Variants in DOCK2 observed in about 807,000 individuals in gnomAD.
DOCK2 encodes the protein dedicator of cytokinesis 2.
Under a neutral mutation model 248.9 loss-of-function variants are expected in DOCK2, and 87 were observed. The observed-to-expected ratio is 0.35, with a 90% CI of 0.29 to 0.42. The LOEUF (loss-of-function observed/expected upper bound fraction) is 0.42, where lower values mean the gene tolerates loss of function less well. Ranked by LOEUF, DOCK2 falls within the 10% of genes least tolerant of loss-of-function variation. The probability of loss-of-function intolerance (pLI) is 1.00; values close to 1 mark genes in which losing one functional copy is unlikely to be tolerated. For synonymous variants in DOCK2, 805 were observed against 821.6 expected (o/e 0.98, Z 0.35); for missense variants, 1,747 against 2,300.2 (o/e 0.76, Z 4.92).
intron 34 of DOCK2, among the ~76,000 whole-genome samples, chr5:170,028,850 T>C (rs77072885): frequency 0.035 from 5,282 of 152,236 alleles, 309 homozygotes; most frequent in African/African-American, 0.12. Context: ...TTGCCTATAA[T>C]GTTTTCAAGG....
intron 29 of DOCK2, among the ~76,000 whole-genome samples, chr5:169,991,742 G>A (rs1778215163): frequency 6.6e-6 from 1 of 152,256 alleles, no homozygotes; most frequent in Non-Finnish European, 1.5e-5. Context: ...CAAGGAGCCA[G>A]TGTGTCCTTC....
At chr5:169,972,442 A>G (rs1777537421) in intron 27 of DOCK2, among the ~76,000 whole-genome samples, 1 of 151,854 alleles carries the variant, frequency 6.6e-6, no homozygotes, top group African/African-American at 2.4e-5. Flanking sequence ...TAACCAATAG[A>G]TGTCAGTAGC....
In DOCK2 at chr5:170,082,837, C is replaced by G. The variant is rs896273989; in HGVS notation, c.5472C>G (p.Asp1824Glu). 2 of 1,614,228 alleles carry G rather than the reference C, an allele frequency of 1.2e-6. No individual in the cohort carries two copies. Among genetic ancestry groups the G allele is most frequent in the Non-Finnish European group, 1.7e-6 (2 of 1,180,048 alleles). Residue 1824 changes from aspartate (D) to glutamate (E), a missense_variant, in exon 52 of 52, where the codon GAC (aspartate) becomes GAG (glutamate). Transcript: ENST00000520908. ...KSAEEGKQIPDSLSTDL is the reference protein window; with the variant it reads ...KSAEEGKQIPESLSTDL The stretch of plus-strand genomic sequence containing the variant: ...CTGAAGAAGGCAAACAGATCCCAGA[C>G]TCGCTGTCCACGGACCTGTGAGCTG...
At chr5:169,754,920 A>ATTATGTATTTATTTATTTAT (rs1554097253) in intron 23 of DOCK2, among the ~76,000 whole-genome samples, 1 of 141,320 alleles carries the variant, frequency 7.1e-6, no homozygotes, top group Admixed American at 7.2e-5. Context: ...CCTATTTTTT[A>ATTATGTATTTATTTATTTAT]TTATTTATTT....
At chr5:169,662,897 T>C (rs1758524620) in intron 2 of DOCK2, among the ~76,000 whole-genome samples, 1 of 152,118 alleles carries the variant, frequency 6.6e-6, no homozygotes, top group Non-Finnish European at 1.5e-5. Flanking sequence ...CATTGCAAAA[T>C]CAGTCATGCC....
At chr5:169,861,003 G>A (rs868777624) in intron 27 of DOCK2, among the ~76,000 whole-genome samples, 1 of 152,288 alleles carries the variant, frequency 6.6e-6, no homozygotes, top group South Asian at 2.1e-4. Context: ...GAAAAGTACT[G>A]GATAAATTAG....
At chr5:169,778,839 T>C (rs1465620937) in intron 25 of DOCK2, among the ~76,000 whole-genome samples, 1 of 152,212 alleles carries the variant, frequency 6.6e-6, no homozygotes, top group Non-Finnish European at 1.5e-5. Context: ...GCTCACTGTA[T>C]CTATGTCTCT....
At chr5:169,963,430 A>G (rs1481987845) in intron 27 of DOCK2, among the ~76,000 whole-genome samples, 1 of 152,108 alleles carries the variant, frequency 6.6e-6, no homozygotes, top group African/African-American at 2.4e-5. Context: ...CTGGGGACCT[A>G]TGCTTAGCAG....
At chr5:169,670,621 T>A in intron 4 of DOCK2, 24 bp downstream of exon 4, 1 of 1,613,556 alleles carries the variant, frequency 6.2e-7, no homozygotes, top group Non-Finnish European at 8.5e-7. Flanking sequence ...TTCACCAGAC[T>A]TGAGCCTCCA....
At chr5:170,002,336 A>G (rs1231234586) in intron 30 of DOCK2, among the ~76,000 whole-genome samples, 1 of 152,228 alleles carries the variant, frequency 6.6e-6, no homozygotes, top group Non-Finnish European at 1.5e-5. Flanking sequence ...GCAATAAAAG[A>G]GAATGAAGCA....
intron 25 of DOCK2, among the ~76,000 whole-genome samples, chr5:169,768,269 G>A (rs763996133): frequency 5.9e-5 from 9 of 152,224 alleles, no homozygotes; most frequent in East Asian, 1.9e-4. Context: ...CGAAGCACAC[G>A]CACATGCAAT....
At chr5:170,068,389 A>T (rs1258148065) in intron 45 of DOCK2, among the ~76,000 whole-genome samples, 1 of 152,248 alleles carries the variant, frequency 6.6e-6, no homozygotes, top group Non-Finnish European at 1.5e-5. Context: ...TGAAGGAAAA[A>T]TGAACTCCTC....
chr5:170,001,508 A>G (rs938727593), intron 30 of DOCK2, among the ~76,000 whole-genome samples: 1 of 152,160 alleles, frequency 6.6e-6, no homozygotes, highest in South Asian at 2.1e-4. Flanking sequence ...TGCCACCTTC[A>G]CCGTTTTGTA....
chr5:169,894,610 C>T (rs553400549), intron 27 of DOCK2, among the ~76,000 whole-genome samples: 8 of 152,262 alleles, frequency 5.3e-5, no homozygotes, highest in Admixed American at 3.3e-4. Context: ...ACAGAGAACT[C>T]GGTGGCACAA....
At position 170,062,311 on chromosome 5, in the gene DOCK2, A is replaced by G. The variant is rs1757361723; in HGVS notation, c.4467+4645A>G. On this transcript the variant is annotated intron_variant, in intron 44 of 51. Coordinates refer to ENST00000520908, the MANE Select transcript of DOCK2 (RefSeq NM_004946.3). ...CAATTAGCAACATAGCAGACTAGGAAGCTCCTGGGTCTCCCTCCACCCCCA... is the reference window on the plus strand; with the variant it reads ...CAATTAGCAACATAGCAGACTAGGAGGCTCCTGGGTCTCCCTCCACCCCCA... 5.3e-5 allele frequency among the ~76,000 whole-genome samples: 8 copies of G among 152,108 alleles called. No individual in the cohort carries two copies. The South Asian group carries it at 1.7e-3, about 32-fold the overall frequency.
intron 27 of DOCK2, among the ~76,000 whole-genome samples, chr5:169,920,169 G>T (rs1309721108): frequency 6.6e-6 from 1 of 152,128 alleles, no homozygotes; most frequent in African/African-American, 2.4e-5. Context: ...GATAGAGCTA[G>T]GTTCAAACCC....
rs1246188439 is a variant in DOCK2, at chr5:169,810,981, T to TCACACA, written c.2703+7776_2703+7777insACACAC. Among the ~76,000 whole-genome samples, 118 of 142,134 alleles carry TCACACA rather than the reference T, an allele frequency of 8.3e-4. 1 individual carries two copies. The highest frequency in any genetic ancestry group is 7.1e-3 in the Middle Eastern group (2 of 280). The allele number at this position is 142,134 out of a possible 152,430, so 93.2% of individuals were successfully genotyped here. On this transcript the variant is annotated intron_variant, in intron 26 of 51. Transcript: ENST00000520908. ...CACACACACACACAGACTCTCTCTCTCTCTCTCTCACACACACACACACAC... is the reference window on the plus strand; with the variant it reads ...CACACACACACACAGACTCTCTCTCTCACACACTCTCTCTCACACACACACACACAC...
At chr5:169,746,537 C>T (rs1561658356) in intron 22 of DOCK2, among the ~76,000 whole-genome samples, 1 of 152,110 alleles carries the variant, frequency 6.6e-6, no homozygotes, top group African/African-American at 2.4e-5. Flanking sequence ...CAGGAGCACT[C>T]TTCTGTGCAT....
rs1367563833 is a variant in DOCK2 at position 170,036,405 on chromosome 5, G to A, written c.3625-110G>A. Reference sequence around the variant, plus strand: ...AATAAGTTTCTTATTCCTATCTCAGGGTACCCAGATACTAGACAGCAATCT... The same window carrying A: ...AATAAGTTTCTTATTCCTATCTCAGAGTACCCAGATACTAGACAGCAATCT... On this transcript the variant is annotated intron_variant, in intron 35 of 51. Coordinates refer to ENST00000520908, the MANE Select transcript of DOCK2 (RefSeq NM_004946.3). 87 of 1,091,644 alleles carry A rather than the reference G, an allele frequency of 8.0e-5. 1 individual carries two copies. The South Asian group carries it at 9.1e-4, about 11-fold the overall frequency. 67.6% of individuals were successfully genotyped at this position (1,091,644 alleles called of 1,614,324 possible). A position where few individuals can be genotyped will look rare whatever the true frequency, so the allele number is the denominator to read the frequency against.
Sources: allele counts gnomAD v4.1 joint callset (sites outside exome capture counted in the v4.1 genomes callset), GRCh38; gene constraint gnomAD v4.1.1; transcripts MANE v1.5; gene names NCBI Gene and HGNC (gene_info 2026-07-23, HGNC 2026-07-21).